The following ARMC2 variants were observed in gnomAD, a reference collection of about 807,000 sequenced individuals.
The protein encoded by ARMC2 is armadillo repeat-containing protein 2.
In ARMC2, 67 loss-of-function variants were observed where a neutral mutation model predicts 90.3. The observed-to-expected ratio is 0.74, with a 90% confidence interval of 0.61 to 0.91. The LOEUF is 0.91. Among genes scored for constraint, ARMC2 ranks in the 40% least tolerant of loss-of-function variants. ARMC2 has a pLI of 0.00. For synonymous variants in ARMC2, 393 were observed against 393.0 expected (o/e 1.00, Z 0.00); for missense variants, 920 against 1,030.9 (o/e 0.89, Z 1.47).
intron 2 of ARMC2, 130 bp downstream of exon 2, chr6:108,854,615 A>C: frequency 1.2e-6 from 1 of 866,756 alleles, no homozygotes; most frequent in East Asian, 2.7e-5. Context: ...TCACAGCAAA[A>C]TTGAGTGGAA....
chr6:108,936,735 A>T (rs1775988201), intron 11 of ARMC2, among the ~76,000 whole-genome samples, 165 bp from the exon 12 acceptor site: 1 of 151,962 alleles, frequency 6.6e-6, no homozygotes, highest in Non-Finnish European at 1.5e-5. Flanking sequence ...GTAGAGCAGG[A>T]AGCCTCCTTG....
chr6:109,025,181 G>T, the ARMC2 span, among the ~76,000 whole-genome samples: 6 of 152,044 alleles, frequency 3.9e-5, no homozygotes, highest in East Asian at 1.2e-3. Context: ...ATTTACAAAA[G>T]AAGACAGAAG....
At chr6:108,929,379 G>T (rs1583150406) in intron 11 of ARMC2, among the ~76,000 whole-genome samples, 1 of 152,094 alleles carries the variant, frequency 6.6e-6, no homozygotes. Flanking sequence ...ATAATTTCAG[G>T]TTTGTTTCTG....
chr6:109,041,193 T>A, the ARMC2 span, among the ~76,000 whole-genome samples: 1,080 of 150,536 alleles, frequency 7.2e-3, 18 homozygotes, highest in African/African-American at 0.025. Context: ...GCACCTATAG[T>A]CCCAGCTACT....
intron 7 of ARMC2, among the ~76,000 whole-genome samples, chr6:108,902,382 G>C (rs1339690986): frequency 6.6e-6 from 1 of 152,230 alleles, no homozygotes; most frequent in African/African-American, 2.4e-5. Flanking sequence ...AGGCTGAAGA[G>C]TTTGTGGAAG....
the ARMC2 span, among the ~76,000 whole-genome samples, chr6:108,979,959 A>G: frequency 2.0e-5 from 3 of 151,650 alleles, no homozygotes; most frequent in South Asian, 6.2e-4. Context: ...TCGGAGGAGT[A>G]TGTTATTACC....
At chr6:108,941,725 A>G (rs7758419) in intron 12 of ARMC2, among the ~76,000 whole-genome samples, 2,529 of 152,280 alleles carry the variant, frequency 0.017, 80 homozygotes, top group African/African-American at 0.059. Flanking sequence ...TTGTGCTTGG[A>G]ACAAAGTTTA....
chr6:108,917,071 AT>A (rs1242063480), intron 10 of ARMC2, among the ~76,000 whole-genome samples: 1 of 152,136 alleles, frequency 6.6e-6, no homozygotes, highest in African/African-American at 2.4e-5. Context: ...TTGCATGCCT[AT>A]TTTTTGGATT....
intron 12 of ARMC2, among the ~76,000 whole-genome samples, chr6:108,952,220 T>G (rs556271432): frequency 2.6e-5 from 4 of 152,344 alleles, no homozygotes; most frequent in African/African-American, 9.6e-5. Flanking sequence ...ATGTGGACAT[T>G]GTTGTCAAAC....
chr6:108,918,852 C>T (rs1267282570), intron 10 of ARMC2, among the ~76,000 whole-genome samples: 1 of 152,186 alleles, frequency 6.6e-6, no homozygotes, highest in Non-Finnish European at 1.5e-5. Context: ...GAAAGCCATT[C>T]AATAAAATAA....
Position 108,904,306 on chromosome 6 carries a change from TA to T in ARMC2, c.927del (p.Lys309AsnfsTer9), listed in dbSNP as rs1463261641. 1.2e-6 allele frequency: 2 copies of T among 1,613,758 alleles called. No individual in the cohort carries two copies. The highest frequency in any genetic ancestry group is 2.7e-5 in the African/African-American group (2 of 74,916). ...TAGAGGAAGGAAACATGCTTGGAAA[TA>T]AATTTAAGGGAAGAAGTATTCTCCT... The part of the protein sequence containing the change: ...ALEEGNMLGN[K>X]FKGRSILLKT... On this transcript the variant is annotated frameshift_variant, in exon 8 of 18. Transcript: ENST00000392644. LOFTEE classifies it high-confidence loss of function.
At chr6:108,912,611 C>T in intron 10 of ARMC2, 53 bp downstream of exon 10, 1 of 1,479,400 alleles carries the variant, frequency 6.8e-7, no homozygotes, top group Non-Finnish European at 9.3e-7. Context: ...TTCACATTGC[C>T]TAATGCCAGT....
chr6:109,028,638 TAAA>T, the ARMC2 span, among the ~76,000 whole-genome samples: 3 of 152,088 alleles, frequency 2.0e-5, no homozygotes, highest in Non-Finnish European at 4.4e-5. Flanking sequence ...CCTTGAGTCA[TAAA>T]AAAGCATCTC....
intron 1 of ARMC2, among the ~76,000 whole-genome samples, chr6:108,851,077 G>T (rs1332647411): frequency 1.3e-5 from 2 of 152,092 alleles, no homozygotes; most frequent in Non-Finnish European, 2.9e-5. Context: ...TCAAAATGTT[G>T]TATTTGATCT....
At chr6:108,919,739 T>A (rs911280077) in intron 10 of ARMC2, among the ~76,000 whole-genome samples, 1 of 152,200 alleles carries the variant, frequency 6.6e-6, no homozygotes, top group Non-Finnish European at 1.5e-5. Flanking sequence ...AAGGTTTCTG[T>A]CACCTCAGAA....
Position 108,863,016 on chromosome 6 carries a change from CAG to C in ARMC2, c.291+4746_291+4747del, listed in dbSNP as rs1775437124. 2.0e-5 allele frequency among the ~76,000 whole-genome samples: 3 copies of C among 152,328 alleles called. No individual in the cohort carries two copies. The South Asian group carries it at 6.2e-4, about 32-fold the overall frequency. On this transcript the variant is annotated intron_variant, in intron 3 of 17. Coordinates refer to ENST00000392644, the MANE Select transcript of ARMC2 (RefSeq NM_032131.6). ...TGGGCTGCCCACACTCAGGACTGCC[CAG>C]TGCTTCTGAGAAGAGGAAGAGCTGA...
chr6:108,942,606 AT>A (rs200795327), intron 12 of ARMC2, among the ~76,000 whole-genome samples: 15 of 150,050 alleles, frequency 1.0e-4, no homozygotes, highest in South Asian at 4.2e-4. Flanking sequence ...TCCTATAATT[AT>A]TTTTTTTTTC....
Position 108,873,925 on chromosome 6 carries a change from G to A in ARMC2, c.464-2218G>A, listed in dbSNP as rs78310708. 7.7e-3 allele frequency among the ~76,000 whole-genome samples: 1,177 copies of A among 152,136 alleles called. 17 individuals are homozygous for A. Among genetic ancestry groups the A allele is most frequent in the African/African-American group, 0.028 (1,149 of 41,466 alleles). On this transcript the variant is annotated intron_variant, in intron 4 of 17. Transcript: ENST00000392644. The stretch of plus-strand genomic sequence containing the variant: ...TGTCTCCCCTGCTAGATAGAGCAAC[G>A]TCATTAAGAAAAGTGTTTTTCTCTG...
the ARMC2 span, among the ~76,000 whole-genome samples, chr6:109,038,936 GAGA>G: frequency 5.7e-4 from 82 of 142,704 alleles, no homozygotes; most frequent in Non-Finnish European, 9.5e-4. Context: ...GAGAAGAAAA[GAGA>G]AGAAGAAAAG....
Sources: allele counts gnomAD v4.1 joint callset (sites outside exome capture counted in the v4.1 genomes callset), GRCh38; gene constraint gnomAD v4.1.1; transcripts MANE v1.5; gene names NCBI Gene and HGNC (gene_info 2026-07-23, HGNC 2026-07-21).